COL26A1: variants seen among roughly 807,000 people sequenced by gnomAD.
COL26A1 encodes collagen alpha-1(XXVI) chain.
In COL26A1, 41 loss-of-function variants were observed where a neutral mutation model predicts 59.3. The observed-to-expected ratio is 0.69, with a 90% confidence interval of 0.54 to 0.90. The LOEUF (loss-of-function observed/expected upper bound fraction) is 0.90. Ranked by LOEUF, COL26A1 falls within the 40% of genes least tolerant of loss-of-function variation. The pLI is 0.00. For missense variants in COL26A1, 612 were observed against 602.3 expected (o/e 1.02, Z -0.17); for synonymous variants, 266 against 256.0 (o/e 1.04, Z -0.37).
intron 1 of COL26A1, among the ~76,000 whole-genome samples, chr7:101,416,688 TTTTTCA>T (rs1301912048): frequency 7.0e-6 from 1 of 143,682 alleles, no homozygotes; most frequent in African/African-American, 2.5e-5. Context: ...TTCCATTCTG[TTTTTCA>T]TAGTCATACA....
intron 3 of COL26A1, among the ~76,000 whole-genome samples, chr7:101,519,026 G>A (rs1396902630): frequency 6.6e-6 from 1 of 152,198 alleles, no homozygotes; most frequent in Non-Finnish European, 1.5e-5. Context: ...CTGAAGGAAA[G>A]CTGGTCTATG....
chr7:101,474,220 ATGAT>A (rs1793981231), intron 3 of COL26A1, among the ~76,000 whole-genome samples: 2 of 152,186 alleles, frequency 1.3e-5, no homozygotes, highest in East Asian at 1.9e-4. Context: ...TAGTAAGTGA[ATGAT>A]TGATCCTACA....
chr7:101,510,020 G>A (rs1294834400), intron 3 of COL26A1, among the ~76,000 whole-genome samples: 1 of 121,660 alleles, frequency 8.2e-6, no homozygotes, highest in Non-Finnish European at 1.5e-5. Flanking sequence ...AAGCCATCGC[G>A]CCCAGTCTTT....
intron 3 of COL26A1, among the ~76,000 whole-genome samples, chr7:101,530,162 T>C (rs532110516): frequency 6.6e-6 from 1 of 152,052 alleles, no homozygotes; most frequent in Non-Finnish European, 1.5e-5. Context: ...GATGGGTAGC[T>C]GGGTGGGTGA....
intron 2 of COL26A1, among the ~76,000 whole-genome samples, chr7:101,421,890 T>C (rs1792530481): frequency 6.6e-6 from 1 of 152,216 alleles, no homozygotes; most frequent in South Asian, 2.1e-4. Context: ...TTTCCTATTT[T>C]CATTCTTCTT....
At chr7:101,522,546 A>G (rs1447172511) in intron 3 of COL26A1, among the ~76,000 whole-genome samples, 1 of 152,214 alleles carries the variant, frequency 6.6e-6, no homozygotes, top group Non-Finnish European at 1.5e-5. Context: ...CACTAAGTCT[A>G]GAAAAAGCAG....
chr7:101,522,025 T>G (rs1285027295), intron 3 of COL26A1, among the ~76,000 whole-genome samples: 2 of 152,166 alleles, frequency 1.3e-5, no homozygotes, highest in African/African-American at 4.8e-5. Flanking sequence ...TAATAGGAAT[T>G]TGGGCTGTTT....
At chr7:101,551,780 G>A (rs1022571192) in intron 10 of COL26A1, among the ~76,000 whole-genome samples, 1 of 151,698 alleles carries the variant, frequency 6.6e-6, no homozygotes, top group Non-Finnish European at 1.5e-5. Context: ...ATAGACTCCT[G>A]CCTCTAGGGC....
chr7:101,518,654 T>A (rs943075788), intron 3 of COL26A1, among the ~76,000 whole-genome samples: 1 of 152,184 alleles, frequency 6.6e-6, no homozygotes, highest in Non-Finnish European at 1.5e-5. Flanking sequence ...TAACTTCAGA[T>A]GAACAATGCG....
intron 3 of COL26A1, among the ~76,000 whole-genome samples, chr7:101,452,567 T>C (rs1793368991): frequency 6.6e-6 from 1 of 152,146 alleles, no homozygotes; most frequent in Admixed American, 6.6e-5. Flanking sequence ...CACCAAAGGA[T>C]GTACTTACAG....
At position 101,378,403 on chromosome 7, in the gene COL26A1, C is replaced by T. The variant is rs148875203; in HGVS notation, c.158+15213C>T. On this transcript the variant is annotated intron_variant, in intron 1 of 12. Transcript: ENST00000313669. ...TTTGAAATGCCACTTTTATCATATA[C>T]TAAATTTCCCTATATGCATGAAGCA... Among the ~76,000 whole-genome samples, 777 of 152,242 alleles carry T rather than the reference C, an allele frequency of 5.1e-3. 3 individuals carry two copies. Among genetic ancestry groups the T allele is most frequent in the African/African-American group, 0.018 (739 of 41,536 alleles).
At chr7:101,535,267 A>G (rs1238990586) in intron 4 of COL26A1, among the ~76,000 whole-genome samples, 1 of 152,116 alleles carries the variant, frequency 6.6e-6, no homozygotes, top group Non-Finnish European at 1.5e-5. Context: ...GAATGAGTAT[A>G]GGGGAAGATG....
chr7:101,447,867 C>A, intron 3 of COL26A1, 80 bp downstream of exon 3: 1 of 837,484 alleles, frequency 1.2e-6, no homozygotes, highest in Non-Finnish European at 2.0e-6. Context: ...CCTCCTCCTG[C>A]AAGCAGCTTT....
chr7:101,545,709 G>C (rs1380365795), intron 7 of COL26A1, among the ~76,000 whole-genome samples: 2 of 152,196 alleles, frequency 1.3e-5, no homozygotes, highest in Non-Finnish European at 2.9e-5. Context: ...AGCAAGGCTT[G>C]GTCCTGGGGC....
At chr7:101,486,171 T>TA (rs74805128) in intron 3 of COL26A1, among the ~76,000 whole-genome samples, 9,688 of 138,126 alleles carry the variant, frequency 0.07, 422 homozygotes, top group East Asian at 0.13. Context: ...AGACTGTCTC[T>TA]AAAAAAAAAA....
intron 5 of COL26A1, among the ~76,000 whole-genome samples, chr7:101,542,114 G>A (rs938639686): frequency 4.6e-5 from 7 of 151,836 alleles, no homozygotes; most frequent in Non-Finnish European, 8.8e-5. Flanking sequence ...TTACAGGCAC[G>A]CACCACCAAG....
intron 3 of COL26A1, among the ~76,000 whole-genome samples, chr7:101,454,268 C>CTTTTTTTTTT (rs58969139): frequency 5.8e-5 from 8 of 137,350 alleles, no homozygotes; most frequent in South Asian, 2.3e-4. Flanking sequence ...TCTTTTCTTT[C>CTTTTTTTTTT]TTTTTTTTTT....
At chr7:101,420,529 C>T (rs1792488069) in intron 2 of COL26A1, among the ~76,000 whole-genome samples, 1 of 152,184 alleles carries the variant, frequency 6.6e-6, no homozygotes, top group Non-Finnish European at 1.5e-5. Context: ...CACTGCCCCA[C>T]TCACCAGGCA....
At chr7:101,549,736 G>T (rs1283182503) in intron 9 of COL26A1, among the ~76,000 whole-genome samples, 1 of 152,194 alleles carries the variant, frequency 6.6e-6, no homozygotes, top group Non-Finnish European at 1.5e-5. Flanking sequence ...TCCTCCTCCT[G>T]TTATGCCAGG....
Sources: gnomAD v4.1 joint callset for allele counts (sites outside exome capture counted in the v4.1 genomes callset) on GRCh38, gnomAD v4.1.1 for gene constraint, MANE v1.5 for transcripts, NCBI Gene and HGNC (gene_info 2026-07-23, HGNC 2026-07-21) for gene names.